GRID1: variants seen among roughly 807,000 people sequenced by gnomAD.
GRID1 encodes glutamate receptor ionotropic, delta-1.
GRID1 carries 28 observed loss-of-function variants against 98.0 expected under a neutral mutation model. The ratio of observed to expected loss-of-function variants is 0.29; its 90% CI spans 0.21 to 0.39. GRID1 has a LOEUF of 0.39. Among genes scored for constraint, GRID1 ranks in the 10% least tolerant of loss-of-function variants. GRID1 has a pLI of 1.00. For missense variants in GRID1, 1,111 were observed against 1,340.5 expected (o/e 0.83, Z 2.67); for synonymous variants, 553 against 538.5 (o/e 1.03, Z -0.37).
rs60119755 is a variant in GRID1 at position 85,895,001 on chromosome 10, C to CAAA, written c.780+21182_780+21184dup. Among the ~76,000 whole-genome samples the CAAA allele has an allele frequency of 4.1e-3, 421 of 103,862 alleles. 3 individuals carry two copies. Among genetic ancestry groups the CAAA allele is most frequent in the African/African-American group, 0.015 (391 of 26,614 alleles). 68.1% of individuals were successfully genotyped at this position (103,862 alleles called of 152,430 possible). ...ACAGCCTTCAACAAACTGGGACTCT[C>CAAA]AAAAAAAAAAAAAAAATATATATAT... On this transcript the variant is annotated intron_variant, in intron 5 of 15. Coordinates refer to ENST00000327946, the MANE Select transcript of GRID1 (RefSeq NM_017551.3).
chr10:86,214,286 G>C lies in GRID1; in HGVS notation c.236-7638C>G, dbSNP rs117354219. Among the ~76,000 whole-genome samples, 3 of 152,236 alleles carry C rather than the reference G, an allele frequency of 2.0e-5. No homozygotes were observed. In the East Asian group the frequency reaches 5.8e-4, roughly 29 times the overall value. ...AGTAACTCAAGCGTCCCAAGCTCTT[G>C]CTCACTGCCAGGACTCTTCCCACAC... On this transcript the variant is annotated intron_variant, in intron 2 of 15. Transcript: ENST00000327946.
intron 4 of GRID1, among the ~76,000 whole-genome samples, chr10:85,952,846 C>T (rs1842142286): frequency 6.6e-6 from 1 of 152,172 alleles, no homozygotes; most frequent in Non-Finnish European, 1.5e-5. Flanking sequence ...TCTTCTGCCT[C>T]TTCCACCCCT....
intron 4 of GRID1, among the ~76,000 whole-genome samples, chr10:86,117,199 C>T (rs1029886316): frequency 2.6e-5 from 4 of 151,740 alleles, no homozygotes; most frequent in African/African-American, 9.7e-5. Context: ...AACACCATCA[C>T]TACCATCATC....
intron 13 of GRID1, among the ~76,000 whole-genome samples, chr10:85,643,303 A>G (rs1488956988): frequency 1.3e-5 from 2 of 151,922 alleles, no homozygotes; most frequent in Non-Finnish European, 1.5e-5. Context: ...ATGGCAGCAG[A>G]CTCTGTTTGG....
chr10:86,059,891 T>TA lies in GRID1; in HGVS notation c.726+78927dup, dbSNP rs148814093. 5.1e-3 allele frequency among the ~76,000 whole-genome samples: 769 copies of TA among 151,584 alleles called. 4 individuals are homozygous for TA. The highest frequency in any genetic ancestry group is 0.024 in the Middle Eastern group (7 of 294). On this transcript the variant is annotated intron_variant, in intron 4 of 15. Transcript: ENST00000327946. ...ATATACCTAAAGAAAAAAATGAAAA[T>TA]AAAAAAAACACTCTCCTAATATTAT...
intron 2 of GRID1, among the ~76,000 whole-genome samples, chr10:86,247,286 C>A: frequency 7.6e-6 from 1 of 130,962 alleles, no homozygotes. Context: ...GATGGATAGA[C>A]GGATGGATGG....
intron 8 of GRID1, among the ~76,000 whole-genome samples, chr10:85,837,963 G>T (rs943263749): frequency 1.3e-5 from 2 of 152,106 alleles, no homozygotes; most frequent in African/African-American, 4.8e-5. Flanking sequence ...GTTTACAGAA[G>T]AACATAACTG....
chr10:85,978,640 A>G (rs1206110830), intron 4 of GRID1, among the ~76,000 whole-genome samples: 2 of 152,128 alleles, frequency 1.3e-5, no homozygotes, highest in African/African-American at 4.8e-5. Context: ...ACACTTCTTG[A>G]ATGTCTACTA....
rs1845809391 is a variant in GRID1 at position 86,192,005 on chromosome 10, T to C, written c.520+14359A>G. ...AGGCCCTGTGCACTGCGAGAAGGGA[T>C]CTGAACTTGATCCTTAAGGAGAGGG... On this transcript the variant is annotated intron_variant, in intron 3 of 15. Transcript: ENST00000327946. This position sits in a 1 kb window ranked among gnomAD's most constrained non-coding sequence, Gnocchi z 4.8. Among the ~76,000 whole-genome samples, 1 of 152,102 alleles carries C rather than the reference T, an allele frequency of 6.6e-6. No individual in the cohort carries two copies. The highest frequency in any genetic ancestry group is 2.4e-5 in the African/African-American group (1 of 41,390).
chr10:85,976,667 C>T lies in GRID1; in HGVS notation c.727-60428G>A, dbSNP rs116817456. 5.7e-3 allele frequency among the ~76,000 whole-genome samples: 867 copies of T among 152,338 alleles called. 11 individuals are homozygous for T. Among genetic ancestry groups the T allele is most frequent in the African/African-American group, 0.02 (830 of 41,572 alleles). On this transcript the variant is annotated intron_variant, in intron 4 of 15. Coordinates refer to ENST00000327946, the MANE Select transcript of GRID1 (RefSeq NM_017551.3). ...ACATTCCAGGATGATATGCAGGAGA[C>T]GTAGCCCTCGTCCAGTTCCCCAGTG...
At chr10:85,759,688 G>A (rs2132696608) in intron 8 of GRID1, among the ~76,000 whole-genome samples, 1 of 152,316 alleles carries the variant, frequency 6.6e-6, no homozygotes, top group East Asian at 1.9e-4. Context: ...TTTCTTTAAA[G>A]CATGAATACT....
chr10:85,701,378 C>T (rs1391350443), intron 12 of GRID1, among the ~76,000 whole-genome samples: 2 of 127,042 alleles, frequency 1.6e-5, no homozygotes, highest in African/African-American at 5.3e-5. Flanking sequence ...ATATGGACGC[C>T]AAGAAAAAAA....
At chr10:85,771,414 C>T (rs529034829) in intron 8 of GRID1, among the ~76,000 whole-genome samples, 1 of 152,214 alleles carries the variant, frequency 6.6e-6, no homozygotes, top group Admixed American at 6.5e-5. Context: ...ACTGCATCAA[C>T]TAACGAGCAA....
At chr10:86,349,442 G>A (rs535651991) in intron 2 of GRID1, among the ~76,000 whole-genome samples, 1 of 152,348 alleles carries the variant, frequency 6.6e-6, no homozygotes, top group South Asian at 2.1e-4. Context: ...CAGGCATACA[G>A]AGGCATGGGG....
chr10:86,331,598 C>A (rs1224222072), intron 2 of GRID1, among the ~76,000 whole-genome samples: 2 of 152,188 alleles, frequency 1.3e-5, no homozygotes, highest in Admixed American at 6.5e-5. Flanking sequence ...GACTCCTAGT[C>A]TCCCCAAAAC....
intron 8 of GRID1, among the ~76,000 whole-genome samples, chr10:85,739,557 C>T (rs1841920292): frequency 6.6e-6 from 1 of 152,044 alleles, no homozygotes; most frequent in African/African-American, 2.4e-5. Context: ...TGTACTCAAG[C>T]CTGGGTGACA....
chr10:86,207,872 C>T (rs561865776), intron 2 of GRID1, among the ~76,000 whole-genome samples: 99 of 152,180 alleles, frequency 6.5e-4, no homozygotes, highest in South Asian at 1.5e-3. Flanking sequence ...CCTCGTGATC[C>T]GCCCGTCTCG....
intron 4 of GRID1, among the ~76,000 whole-genome samples, chr10:86,136,230 C>A (rs964469540): frequency 1.3e-5 from 2 of 152,216 alleles, no homozygotes; most frequent in Non-Finnish European, 2.9e-5. Flanking sequence ...GCTAGCCAGT[C>A]AGATAGCTCA....
intron 3 of GRID1, among the ~76,000 whole-genome samples, chr10:86,154,478 C>A (rs981204171): frequency 6.6e-6 from 1 of 152,102 alleles, no homozygotes; most frequent in South Asian, 2.1e-4. Context: ...GGCCACAGTC[C>A]ACACCCTGGT....
Sources: allele counts gnomAD v4.1 joint callset (sites outside exome capture counted in the v4.1 genomes callset), GRCh38; gene constraint gnomAD v4.1.1; non-coding constraint Gnocchi (gnomAD v3.1); transcripts MANE v1.5; gene names NCBI Gene and HGNC (gene_info 2026-07-23, HGNC 2026-07-21).